TP53BP2: variants seen among roughly 807,000 people sequenced by gnomAD.
TP53BP2 encodes apoptosis-stimulating of p53 protein 2.
TP53BP2 carries 62 observed loss-of-function variants against 126.2 expected under a neutral mutation model. The observed-to-expected ratio is 0.49, with a 90% CI of 0.40 to 0.61. The LOEUF is 0.61. TP53BP2 is among the 20% of genes least tolerant of loss of function. TP53BP2 has a pLI of 0.00. For synonymous variants in TP53BP2, 485 were observed against 502.9 expected, an observed-to-expected ratio of 0.96 and a Z score of 0.48; for missense variants, 1,215 against 1,402.8, an observed-to-expected ratio of 0.87 and a Z score of 2.14.
intron 1 of TP53BP2, among the ~76,000 whole-genome samples, chr1:223,825,026 A>ACACACACACACACACACAC (rs1663440274): frequency 7.0e-6 from 1 of 143,468 alleles, no homozygotes; most frequent in African/African-American, 2.6e-5. Context: ...TCCAACACCA[A>ACACACACACACACACACAC]ACACACACAC....
chr1:223,793,538 A>G, intron 13 of TP53BP2, 98 bp from the exon 14 acceptor site: 2 of 1,245,798 alleles, frequency 1.6e-6, no homozygotes, highest in South Asian at 4.3e-5. Context: ...AATTAGTGAG[A>G]GGCACTTTAA....
intron 6 of TP53BP2, 46 bp downstream of exon 6, chr1:223,804,128 A>G (rs773189694): frequency 6.4e-7 from 1 of 1,571,268 alleles, no homozygotes; most frequent in South Asian, 1.2e-5. Context: ...CAAAAAAACC[A>G]GACAAATAAA....
At chr1:223,802,978 T>C (rs1662581459) in intron 7 of TP53BP2, 83 bp from the exon 8 acceptor site, 2 of 1,431,840 alleles carry the variant, frequency 1.4e-6, no homozygotes, top group Non-Finnish European at 1.9e-6. Flanking sequence ...TTAACTATTA[T>C]ATAATTTCTA....
chr1:223,828,957 T>C (rs1418080095), intron 1 of TP53BP2, among the ~76,000 whole-genome samples: 1 of 152,072 alleles, frequency 6.6e-6, no homozygotes, highest in Non-Finnish European at 1.5e-5. Context: ...ACATTTTATA[T>C]GGGTGAATTT....
intron 14 of TP53BP2, among the ~76,000 whole-genome samples, chr1:223,792,767 A>G (rs1331877649): frequency 2.0e-5 from 3 of 152,160 alleles, no homozygotes; most frequent in Non-Finnish European, 4.4e-5. Context: ...AGGAAGTACC[A>G]GAAACTATAT....
chr1:223,802,245 G>A lies in TP53BP2; in HGVS notation c.1096C>T (p.Pro366Ser), dbSNP rs867505788. The A allele has an allele frequency of 6.2e-7, 1 of 1,614,202 alleles. No individual in the cohort carries two copies. Reference protein sequence around the residue: ...YIQSSTMPRMPSRPELLVKPA... With the variant: ...YIQSSTMPRMSSRPELLVKPA... ...TTCACCAGCAATTCAGGCCTTGAGG[G>A]CATCCGAGGCATAGTAGACGACTGG... Residue 366 changes from proline to serine, a missense_variant, in exon 9 of 18, where the codon CCC becomes TCC. Coordinates refer to ENST00000343537, the MANE Select transcript of TP53BP2 (RefSeq NM_001031685.3).
intron 16 of TP53BP2, among the ~76,000 whole-genome samples, chr1:223,786,871 G>A (rs1426921056): frequency 6.6e-6 from 1 of 151,882 alleles, no homozygotes. Context: ...CTCCCAAAGT[G>A]CTGGGATTAT....
At chr1:223,782,339 C>T (rs758902691) in intron 17 of TP53BP2, among the ~76,000 whole-genome samples, 2 of 152,078 alleles carry the variant, frequency 1.3e-5, no homozygotes, top group Non-Finnish European at 2.9e-5. Flanking sequence ...AGAAACTATA[C>T]AAAAGGGCTT....
chr1:223,814,478 AT>A, intron 2 of TP53BP2, 125 bp from the exon 3 acceptor site: 1 of 686,270 alleles, frequency 1.5e-6, no homozygotes, highest in East Asian at 2.7e-5. Context: ...TCTCAGGTAA[AT>A]TTTTTTCATT....
intron 12 of TP53BP2, 64 bp downstream of exon 12, chr1:223,798,151 G>A (rs1016808333): frequency 9.5e-6 from 14 of 1,472,950 alleles, no homozygotes; most frequent in Non-Finnish European, 1.3e-5. Context: ...GCTGTCTGCT[G>A]AGGGATGGCT....
chr1:223,804,336 T>C lies in TP53BP2; in HGVS notation c.487A>G (p.Lys163Glu). Residue 163 changes from lysine (K) to glutamate (E), a missense_variant, in exon 6 of 18, where the codon AAG (lysine) becomes GAG (glutamate). Lys to Glu is a moderately conservative substitution (Grantham distance 56, BLOSUM62 1). Transcript: ENST00000343537. ...QLLATKEQRL[K>E]FLKQQDQRQQ... ...CGCTGATCTTGTTGTTTCAAAAACT[T>C]TAAGCGCTGTTCCTAAAAATAAAAG... 2 of 1,613,504 alleles carry C rather than the reference T, an allele frequency of 1.2e-6. No individual in the cohort carries two copies. The highest frequency in any genetic ancestry group is 1.7e-6 in the Non-Finnish European group (2 of 1,179,910).
intron 14 of TP53BP2, 84 bp from the exon 15 acceptor site, chr1:223,792,606 G>GTCCATTTCTGTCCTCTT: frequency 7.5e-7 from 1 of 1,340,006 alleles, no homozygotes; most frequent in Non-Finnish European, 1.0e-6. Context: ...AGGGTCAAGA[G>GTCCATTTCTGTCCTCTT]GACAGAAATG....
intron 15 of TP53BP2, among the ~76,000 whole-genome samples, chr1:223,790,523 C>T (rs534770785): frequency 6.4e-4 from 98 of 151,984 alleles, no homozygotes; most frequent in Middle Eastern, 6.8e-3. Flanking sequence ...TGCCACTGCA[C>T]TCCGGCCTGG....
rs750311845 is a variant in TP53BP2 at position 223,803,411 on chromosome 1, G to C, written c.691C>G (p.Gln231Glu). ...EQMNNLFQQK[Q>E]RELVLAVSKV... is the part of the protein sequence containing the mutation. The stretch of plus-strand genomic sequence containing the variant: ...GACACAGCCAGGACGAGCTCCCTCT[G>C]TTTTTGCTGGAACAAATTATTCATC... The change falls in exon 7 of 18, where the codon CAG (glutamine) becomes GAG (glutamate). Residue 231 changes from glutamine (Q) to glutamate (E), a missense_variant. Around this residue, in one of 4 missense-constraint regions of TP53BP2, gnomAD observed 814 missense variants for 853.0 expected, o/e 0.95. Transcript: ENST00000343537. 6.2e-7 allele frequency: 1 copy of C among 1,613,510 alleles called. No individual in the cohort carries two copies. Among genetic ancestry groups the C allele is most frequent in the Non-Finnish European group, 8.5e-7 (1 of 1,179,794 alleles).
chr1:223,806,272 G>A (rs1662712195), intron 5 of TP53BP2, among the ~76,000 whole-genome samples: 1 of 152,088 alleles, frequency 6.6e-6, no homozygotes, highest in Non-Finnish European at 1.5e-5. Context: ...TTCCTGTCTG[G>A]CTGATACCCA....
chr1:223,781,134 G>A (rs1443881811), intron 17 of TP53BP2, among the ~76,000 whole-genome samples: 1 of 152,156 alleles, frequency 6.6e-6, no homozygotes, highest in Non-Finnish European at 1.5e-5. Flanking sequence ...CTACAAAGCA[G>A]CAATATAAAA....
chr1:223,792,573 T>A, intron 14 of TP53BP2, 51 bp from the exon 15 acceptor site: 1 of 1,600,030 alleles, frequency 6.2e-7, no homozygotes, highest in East Asian at 2.2e-5. Context: ...TCACCTGAAC[T>A]GTCACTACTA....
intron 1 of TP53BP2, among the ~76,000 whole-genome samples, chr1:223,830,116 A>G (rs1663645078): frequency 6.6e-6 from 1 of 152,242 alleles, no homozygotes; most frequent in Non-Finnish European, 1.5e-5. Flanking sequence ...ACCACTTAAC[A>G]GCTACAGGTT....
chr1:223,795,886 G>A lies in TP53BP2; in HGVS notation c.2653C>T (p.Pro885Ser). Reference protein sequence around the residue: ...YPPPPYPSGEPEGPGEDSVSM... With the variant: ...YPPPPYPSGESEGPGEDSVSM... ...ACCGAGTCTTCTCCGGGCCCTTCAG[G>A]CTCCCCAGATGGGTATGGTGGGGGT... Residue 885 changes from proline to serine, a missense_variant, in exon 13 of 18, where the codon CCT (proline) becomes TCT (serine). Around this residue, in one of 4 missense-constraint regions of TP53BP2, gnomAD observed 204 missense variants for 225.7 expected, o/e 0.90. Transcript: ENST00000343537. 1.9e-6 allele frequency: 3 copies of A among 1,605,502 alleles called. No individual in the cohort carries two copies. Among genetic ancestry groups the A allele is most frequent in the Admixed American group, 1.7e-5 (1 of 57,748 alleles).
Sources: gnomAD v4.1 joint callset for allele counts (sites outside exome capture counted in the v4.1 genomes callset) on GRCh38, gnomAD v4.1.1 for gene constraint, gnomAD v4.1.1 regional missense constraint, MANE v1.5 for transcripts, NCBI Gene and HGNC (gene_info 2026-07-23, HGNC 2026-07-21) for gene names.